Variants in GUCY1A2 observed in about 807,000 individuals in gnomAD.
GUCY1A2 encodes the protein guanylate cyclase soluble subunit alpha-2.
A neutral mutation model predicts 63.5 loss-of-function variants in GUCY1A2; 27 were observed. That is an observed-to-expected ratio of 0.43 (90% CI 0.31 to 0.59). The LOEUF (loss-of-function observed/expected upper bound fraction) is 0.59. Ranked by LOEUF, GUCY1A2 falls within the 20% of genes least tolerant of loss-of-function variation. GUCY1A2 has a pLI of 0.11. For synonymous variants in GUCY1A2, 364 were observed against 343.5 expected (o/e 1.06, Z -0.66); for missense variants, 768 against 913.3 (o/e 0.84, Z 2.05).
intron 1 of GUCY1A2, among the ~76,000 whole-genome samples, chr11:107,000,737 T>C (rs1014601888): frequency 6.6e-6 from 1 of 152,206 alleles, no homozygotes; most frequent in Non-Finnish European, 1.5e-5. Flanking sequence ...GTAAATACTA[T>C]GATAAAAACA....
chr11:106,912,362 C>A (rs918246339), intron 4 of GUCY1A2, among the ~76,000 whole-genome samples: 6 of 152,184 alleles, frequency 3.9e-5, no homozygotes, highest in African/African-American at 1.2e-4. Context: ...ATCTTTCCAG[C>A]ATTTTTCAAA....
intron 7 of GUCY1A2, among the ~76,000 whole-genome samples, chr11:106,706,656 C>CT (rs200165244): frequency 0.27 from 37,597 of 137,682 alleles, 5,176 homozygotes; most frequent in African/African-American, 0.36. Flanking sequence ...TTTTACACAT[C>CT]TTTTTTTTTT....
intron 6 of GUCY1A2, among the ~76,000 whole-genome samples, chr11:106,748,933 C>A (rs1863837277): frequency 6.6e-6 from 1 of 152,036 alleles, no homozygotes; most frequent in Non-Finnish European, 1.5e-5. Context: ...AAATTTTTGT[C>A]TCTGTATGCC....
chr11:106,920,872 A>G (rs1394969017), intron 4 of GUCY1A2, among the ~76,000 whole-genome samples: 4 of 152,096 alleles, frequency 2.6e-5, no homozygotes, highest in African/African-American at 9.7e-5. Context: ...ATTACTCTCA[A>G]ATAATGGTAA....
chr11:106,746,417 G>A (rs1032015454), intron 6 of GUCY1A2: 9 of 521,780 alleles, frequency 1.7e-5, no homozygotes, highest in Non-Finnish European at 2.7e-5. Flanking sequence ...CAAACTACCA[G>A]TACTACTACA....
intron 6 of GUCY1A2, among the ~76,000 whole-genome samples, chr11:106,715,550 A>G (rs1224855278): frequency 6.6e-6 from 1 of 152,260 alleles, no homozygotes; most frequent in South Asian, 2.1e-4. Flanking sequence ...TACCTACTTC[A>G]TCTACACAGA....
chr11:106,966,960 T>C lies in GUCY1A2; in HGVS notation c.487+11659A>G, dbSNP rs573825300. ...TAGAAACAAACCAAAAAAAAGAGGTTAATGAAAAACAGTCTGAGGTACTAG... is the reference window on the plus strand; with the variant it reads ...TAGAAACAAACCAAAAAAAAGAGGTCAATGAAAAACAGTCTGAGGTACTAG... On this transcript the variant is annotated intron_variant, in intron 3 of 7. Coordinates refer to ENST00000526355, the MANE Select transcript of GUCY1A2 (RefSeq NM_000855.3). 5.9e-5 allele frequency among the ~76,000 whole-genome samples: 9 copies of C among 152,202 alleles called. No individual in the cohort carries two copies. In the South Asian group the frequency reaches 1.9e-3, roughly 32 times the overall value.
intron 3 of GUCY1A2, among the ~76,000 whole-genome samples, chr11:106,971,604 C>G (rs1334944300): frequency 6.6e-6 from 1 of 151,932 alleles, no homozygotes; most frequent in East Asian, 1.9e-4. Flanking sequence ...TTAGAATGAT[C>G]CATATGGTAA....
At chr11:106,789,552 T>C (rs958457057) in intron 5 of GUCY1A2, among the ~76,000 whole-genome samples, 1 of 152,186 alleles carries the variant, frequency 6.6e-6, no homozygotes, top group Non-Finnish European at 1.5e-5. Context: ...TAGTTGATGT[T>C]CACTTGTGTC....
intron 3 of GUCY1A2, among the ~76,000 whole-genome samples, chr11:106,975,476 A>G (rs1209646857): frequency 3.3e-5 from 5 of 152,200 alleles, no homozygotes; most frequent in Non-Finnish European, 7.3e-5. Flanking sequence ...ATTATGTACC[A>G]AATAAAGCAA....
chr11:106,724,779 A>T (rs889748855), intron 6 of GUCY1A2, among the ~76,000 whole-genome samples: 1 of 152,186 alleles, frequency 6.6e-6, no homozygotes, highest in African/African-American at 2.4e-5. Context: ...AGATGTGAGC[A>T]TCACTATCCT....
At chr11:106,891,252 T>C (rs764756033) in intron 4 of GUCY1A2, among the ~76,000 whole-genome samples, 2 of 152,288 alleles carry the variant, frequency 1.3e-5, no homozygotes, top group Non-Finnish European at 2.9e-5. Flanking sequence ...TTTTTGTCCA[T>C]TTATTAAAAA....
intron 4 of GUCY1A2, among the ~76,000 whole-genome samples, chr11:106,849,772 C>T (rs928815995): frequency 7.3e-5 from 11 of 151,630 alleles, no homozygotes; most frequent in Non-Finnish European, 1.6e-4. Flanking sequence ...AACTAATATT[C>T]CATCCAAACT....
intron 4 of GUCY1A2, among the ~76,000 whole-genome samples, chr11:106,840,200 AAAG>A (rs917246618): frequency 6.6e-6 from 1 of 151,960 alleles, no homozygotes; most frequent in African/African-American, 2.4e-5. Context: ...TATTGGAAGA[AAAG>A]AAGCACTATT....
At chr11:106,945,008 ATAACTAAATGAATTACAGAGAGAATTT>A (rs1860806911) in intron 3 of GUCY1A2, among the ~76,000 whole-genome samples, 1 of 152,176 alleles carries the variant, frequency 6.6e-6, no homozygotes, top group South Asian at 2.1e-4. Context: ...AAGAAGGACT[ATAACTAAATGAATTACAGAGAGAATTT>A]CCCCTGAACC....
intron 5 of GUCY1A2, among the ~76,000 whole-genome samples, chr11:106,783,634 GTGACTGGAA>G (rs1161866409): frequency 6.6e-6 from 1 of 152,166 alleles, no homozygotes; most frequent in Non-Finnish European, 1.5e-5. Context: ...TCCTTGCCAT[GTGACTGGAA>G]TGAAAGGAAA....
chr11:106,883,533 A>G (rs1424296863), intron 4 of GUCY1A2, among the ~76,000 whole-genome samples: 2 of 152,140 alleles, frequency 1.3e-5, no homozygotes, highest in African/African-American at 2.4e-5. Flanking sequence ...GAGCTAGAGG[A>G]TGCTATGAGA....
At chr11:106,942,879 T>C (rs952137304) in intron 3 of GUCY1A2, among the ~76,000 whole-genome samples, 3 of 152,170 alleles carry the variant, frequency 2.0e-5, no homozygotes, top group Non-Finnish European at 2.9e-5. Context: ...TAAGGTACAA[T>C]ATTGTTAATT....
chr11:106,759,608 C>A (rs1206993058), intron 6 of GUCY1A2, among the ~76,000 whole-genome samples: 1 of 152,122 alleles, frequency 6.6e-6, no homozygotes, highest in Non-Finnish European at 1.5e-5. Flanking sequence ...GTAGGGGGGA[C>A]CCCCCAATCC....
Sources: allele counts gnomAD v4.1 joint callset (sites outside exome capture counted in the v4.1 genomes callset), GRCh38; gene constraint gnomAD v4.1.1; transcripts MANE v1.5; gene names NCBI Gene and HGNC (gene_info 2026-07-23, HGNC 2026-07-21).